PTPRD: variants seen among roughly 807,000 people sequenced by gnomAD.
PTPRD encodes the protein protein tyrosine phosphatase receptor type D.
Under a neutral mutation model 214.5 loss-of-function variants are expected in PTPRD, and 34 were observed. The observed-to-expected ratio is 0.16, with a 90% CI of 0.12 to 0.21. PTPRD has a LOEUF of 0.21. PTPRD is among the 10% of genes least tolerant of loss of function. PTPRD has a pLI of 1.00. For synonymous variants in PTPRD, 1,128 were observed against 845.7 expected, an observed-to-expected ratio of 1.33 and a Z score of -5.79; for missense variants, 2,545 against 2,398.7, an observed-to-expected ratio of 1.06 and a Z score of -1.27.
intron 11 of PTPRD, chr9:8,962,244 C>A (rs1022498251): frequency 1.3e-5 from 2 of 152,122 alleles, no homozygotes; most frequent in Admixed American, 1.3e-4. Flanking sequence ...TATACACACG[C>A]AGGCATCATT....
At chr9:8,486,941 T>A (rs1278219354) in intron 27 of PTPRD, among the ~76,000 whole-genome samples, 1 of 152,144 alleles carries the variant, frequency 6.6e-6, no homozygotes, top group Non-Finnish European at 1.5e-5. Context: ...CCCACCTCTG[T>A]CTGGAGTCGA....
chr9:9,468,657 G>A (rs938857143), intron 8 of PTPRD, among the ~76,000 whole-genome samples: 5 of 151,646 alleles, frequency 3.3e-5, no homozygotes, highest in African/African-American at 1.2e-4. Flanking sequence ...TACTTTTTTT[G>A]TTAGTTCAAA....
chr9:9,575,251 C>G (rs1211125369), intron 7 of PTPRD, among the ~76,000 whole-genome samples: 1 of 151,920 alleles, frequency 6.6e-6, no homozygotes, highest in Non-Finnish European at 1.5e-5. Flanking sequence ...AATAACTATC[C>G]GTGATATATT....
At chr9:9,830,846 C>G (rs1216816813) in intron 5 of PTPRD, among the ~76,000 whole-genome samples, 1 of 151,826 alleles carries the variant, frequency 6.6e-6, no homozygotes, top group East Asian at 1.9e-4. Flanking sequence ...CAAAATCTAT[C>G]CAATATATTC....
At chr9:8,566,100 A>ATGTGTGTGTGTGTGTGTGTGTGTGTG (rs139478736) in intron 14 of PTPRD, among the ~76,000 whole-genome samples, 10 of 137,920 alleles carry the variant, frequency 7.3e-5, no homozygotes, top group Admixed American at 1.5e-4. Context: ...AATGCAAAAT[A>ATGTGTGTGTGTGTGTGTGTGTGTGTG]TGTGTGTGTG....
intron 5 of PTPRD, among the ~76,000 whole-genome samples, chr9:9,791,110 T>C (rs2098964015): frequency 6.6e-6 from 1 of 152,168 alleles, no homozygotes; most frequent in Non-Finnish European, 1.5e-5. Context: ...AGATTTTTTT[T>C]AGGAACTATA....
chr9:9,713,404 A>C (rs1262405056), intron 7 of PTPRD, among the ~76,000 whole-genome samples: 1 of 152,198 alleles, frequency 6.6e-6, no homozygotes, highest in Admixed American at 6.5e-5. Flanking sequence ...TATGCTATGC[A>C]TTATGGAGGA....
At chr9:8,764,651 C>A (rs4742536) in intron 11 of PTPRD, among the ~76,000 whole-genome samples, 5 of 151,530 alleles carry the variant, frequency 3.3e-5, no homozygotes, top group South Asian at 4.2e-4. Context: ...GAAAATTAAC[C>A]GGGTATAGTG....
chr9:10,052,317 A>T (rs926419452), intron 3 of PTPRD, among the ~76,000 whole-genome samples: 1 of 152,152 alleles, frequency 6.6e-6, no homozygotes, highest in Admixed American at 6.6e-5. Context: ...AGCTCATTCA[A>T]ACACTGAGGT....
intron 11 of PTPRD, among the ~76,000 whole-genome samples, chr9:8,874,804 T>C (rs2098363227): frequency 6.6e-6 from 1 of 152,260 alleles, no homozygotes; most frequent in Admixed American, 6.5e-5. Flanking sequence ...AATCACTTAC[T>C]TGAAACCACC....
intron 11 of PTPRD, among the ~76,000 whole-genome samples, chr9:9,005,768 T>C (rs371416074): frequency 6.6e-6 from 1 of 152,018 alleles, no homozygotes; most frequent in East Asian, 1.9e-4. Context: ...CTTTTTCTTT[T>C]CAGACGAGGA....
rs1231742496 is a variant in PTPRD at position 8,341,164 on chromosome 9, T to C, written c.5052A>G (p.Thr1684=). The C allele has an allele frequency of 6.2e-7, 1 of 1,613,264 alleles. No individual in the cohort carries two copies. The highest frequency in any genetic ancestry group is 1.7e-5 in the Admixed American group (1 of 59,924). ...RLVNIMPYES[T]RVCLQPIRGV... ...CACGGATAGGCTGCAGGCATACCCT[T>C]GTGGATTCATATGGCATAATATTAA... Residue 1684 remains threonine, a synonymous_variant, in exon 41 of 46, where the codon ACA becomes ACG. Transcript: ENST00000381196.
At chr9:10,168,896 C>A (rs1373223245) in intron 3 of PTPRD, among the ~76,000 whole-genome samples, 1 of 152,106 alleles carries the variant, frequency 6.6e-6, no homozygotes, top group Non-Finnish European at 1.5e-5. Flanking sequence ...AGAAGTAGGG[C>A]AAACAGAATT....
chr9:10,182,487 TAAC>T (rs569585166), intron 3 of PTPRD, among the ~76,000 whole-genome samples: 424 of 152,068 alleles, frequency 2.8e-3, no homozygotes, highest in Non-Finnish European at 4.4e-3. Context: ...ACAATCATAA[TAAC>T]AACAACAGAT....
intron 9 of PTPRD, among the ~76,000 whole-genome samples, chr9:9,234,917 C>A (rs548369718): frequency 2.0e-5 from 3 of 152,194 alleles, no homozygotes; most frequent in Non-Finnish European, 2.9e-5. Context: ...GACTGTTACC[C>A]ATTTCCAAAG....
intron 43 of PTPRD, among the ~76,000 whole-genome samples, chr9:8,333,982 A>C (rs1424130993): frequency 6.6e-6 from 1 of 152,222 alleles, no homozygotes; most frequent in Non-Finnish European, 1.5e-5. Context: ...AAGAAGAGTT[A>C]ACTATCCTAA....
At chr9:9,106,141 T>G (rs2099798233) in intron 10 of PTPRD, among the ~76,000 whole-genome samples, 1 of 152,116 alleles carries the variant, frequency 6.6e-6, no homozygotes. Flanking sequence ...ATTTTTGTTA[T>G]CCACTTAGTG....
intron 9 of PTPRD, among the ~76,000 whole-genome samples, chr9:9,356,579 T>A (rs1166951284): frequency 6.6e-6 from 1 of 151,376 alleles, no homozygotes; most frequent in Non-Finnish European, 1.5e-5. Context: ...TTCAATCACG[T>A]TTGAAGAAAG....
chr9:9,589,290 C>T (rs2092453651), intron 7 of PTPRD, among the ~76,000 whole-genome samples: 1 of 151,680 alleles, frequency 6.6e-6, no homozygotes, highest in Non-Finnish European at 1.5e-5. Context: ...ACATTTCCTA[C>T]ATAGAAAATT....
Sources: allele counts gnomAD v4.1 joint callset (sites outside exome capture counted in the v4.1 genomes callset), GRCh38; gene constraint gnomAD v4.1.1; transcripts MANE v1.5; gene names NCBI Gene and HGNC (gene_info 2026-07-23, HGNC 2026-07-21).